HEATR4: variants seen among roughly 807,000 people sequenced by gnomAD.
HEATR4 encodes HEAT repeat-containing protein 4.
A neutral mutation model predicts 108.8 loss-of-function variants in HEATR4; 95 were observed. The observed-to-expected ratio is 0.87, with a 90% CI of 0.74 to 1.04. HEATR4 has a LOEUF of 1.04. Among genes scored for constraint, HEATR4 ranks in the 50% least tolerant of loss-of-function variants. HEATR4 has a pLI of 0.00. For missense variants in HEATR4, 1,152 were observed against 1,253.8 expected (o/e 0.92, Z 1.23); for synonymous variants, 443 against 459.4 (o/e 0.96, Z 0.46).
the HEATR4 span, among the ~76,000 whole-genome samples, chr14:73,621,133 A>T: frequency 6.6e-6 from 1 of 152,038 alleles, no homozygotes. Flanking sequence ...GAATTGCTTG[A>T]ACTCAGGAGG....
At chr14:73,582,635 G>A in the HEATR4 span, 1 of 151,998 alleles carries the variant, frequency 6.6e-6, no homozygotes, top group African/African-American at 2.4e-5. Flanking sequence ...ACATGGAGAT[G>A]TAATATGCTA....
chr14:73,607,112 C>A, the HEATR4 span, among the ~76,000 whole-genome samples: 1 of 152,128 alleles, frequency 6.6e-6, no homozygotes, highest in Admixed American at 6.5e-5. Flanking sequence ...GAATTTGAGA[C>A]CAGCCTGGCC....
chr14:73,540,824 C>T (rs1345273746), intron 1 of HEATR4, among the ~76,000 whole-genome samples: 1 of 109,192 alleles, frequency 9.2e-6, no homozygotes, highest in African/African-American at 3.2e-5. Context: ...TCACTGCAAC[C>T]TCCAACTCCC....
chr14:73,588,356 G>A, the HEATR4 span, among the ~76,000 whole-genome samples: 30,176 of 151,916 alleles, frequency 0.2, 4,529 homozygotes, highest in African/African-American at 0.42. Context: ...AAAGCCATCA[G>A]TACCGTCATG....
the HEATR4 span, among the ~76,000 whole-genome samples, chr14:73,630,078 G>A: frequency 6.6e-6 from 1 of 151,548 alleles, no homozygotes; most frequent in East Asian, 1.9e-4. Context: ...AAATATGATT[G>A]GACAAAAAGG....
chr14:73,514,816 C>G (rs1051138483), intron 5 of HEATR4, among the ~76,000 whole-genome samples: 2 of 152,092 alleles, frequency 1.3e-5, no homozygotes, highest in Admixed American at 1.3e-4. Context: ...TGCCTGTAAT[C>G]CCAGTACTTT....
intron 17 of HEATR4, chr14:73,490,936 G>T: frequency 7.9e-7 from 1 of 1,272,226 alleles, no homozygotes. Context: ...CCTTCCCAGA[G>T]TGCACCGCAG....
intron 2 of HEATR4, 126 bp downstream of exon 2, chr14:73,530,040 T>C (rs1477102839): frequency 1.4e-5 from 2 of 137,976 alleles, no homozygotes; most frequent in Non-Finnish European, 3.1e-5. Context: ...CATGGCTCAC[T>C]GCAGCCTTGC....
chr14:73,538,146 A>G (rs559624977), intron 1 of HEATR4, among the ~76,000 whole-genome samples: 1 of 113,338 alleles, frequency 8.8e-6, no homozygotes, highest in South Asian at 2.8e-4. Context: ...AGTTACACTT[A>G]TTTTTTTATT....
the HEATR4 span, among the ~76,000 whole-genome samples, chr14:73,592,812 C>G: frequency 2.0e-5 from 3 of 152,156 alleles, no homozygotes; most frequent in African/African-American, 7.2e-5. Flanking sequence ...GAGATCGCAC[C>G]ACTGCACTCC....
At chr14:73,595,821 T>G in the HEATR4 span, 1 of 778,738 alleles carries the variant, frequency 1.3e-6, no homozygotes, top group Non-Finnish European at 1.8e-6. Flanking sequence ...TTTACTAATG[T>G]AACTTGCTTG....
At chr14:73,565,455 G>A in the HEATR4 span, among the ~76,000 whole-genome samples, 21 of 148,910 alleles carry the variant, frequency 1.4e-4, no homozygotes, top group Non-Finnish European at 2.7e-4. Flanking sequence ...GCCCAATCTC[G>A]GCTCACTGCA....
chr14:73,503,146 C>T (rs1459224988), intron 10 of HEATR4, 133 bp from the exon 11 acceptor site: 5 of 698,256 alleles, frequency 7.2e-6, no homozygotes, highest in South Asian at 1.7e-5. Context: ...TTTTTCCCAT[C>T]GCTTACTCTC....
chr14:73,510,056 T>C (rs1042870370), intron 7 of HEATR4, among the ~76,000 whole-genome samples: 1 of 150,396 alleles, frequency 6.6e-6, no homozygotes, highest in Non-Finnish European at 1.5e-5. Flanking sequence ...AGAGATGGGA[T>C]TTCACCGTGT....
the HEATR4 span, among the ~76,000 whole-genome samples, chr14:73,585,182 C>G: frequency 1.3e-5 from 2 of 152,126 alleles, no homozygotes; most frequent in South Asian, 4.1e-4. Flanking sequence ...CCCACTGTTC[C>G]TGTCTCACGA....
intron 1 of HEATR4, among the ~76,000 whole-genome samples, chr14:73,535,455 TC>T: frequency 1.5e-5 from 1 of 65,906 alleles, no homozygotes; most frequent in Non-Finnish European, 3.3e-5. Context: ...CTTTTTCTTT[TC>T]TTTTTCTTCT....
upstream of HEATR4, among the ~76,000 whole-genome samples, chr14:73,559,205 C>T (rs1889465078): frequency 6.6e-6 from 1 of 151,830 alleles, no homozygotes; most frequent in South Asian, 2.1e-4. Flanking sequence ...GCGATCTCGG[C>T]TCACTGCAAC....
chr14:73,617,524 A>G, the HEATR4 span, among the ~76,000 whole-genome samples: 2 of 152,166 alleles, frequency 1.3e-5, no homozygotes, highest in Admixed American at 1.3e-4. Context: ...AGACTTGACT[A>G]TTTAGTTGTC....
At chr14:73,563,858 C>T (rs542407956), upstream of HEATR4, among the ~76,000 whole-genome samples, 30 of 151,854 alleles carry the variant, frequency 2.0e-4, 2 homozygotes, top group South Asian at 4.0e-3. Flanking sequence ...GTAATCTCAC[C>T]GCTTTGGGAA....
Sources: allele counts gnomAD v4.1 joint callset (sites outside exome capture counted in the v4.1 genomes callset), GRCh38; gene constraint gnomAD v4.1.1; transcripts MANE v1.5; gene names NCBI Gene and HGNC (gene_info 2026-07-23, HGNC 2026-07-21).